ATP10A: variants seen among roughly 807,000 people sequenced by gnomAD.
The protein encoded by ATP10A is ATPase phospholipid transporting 10A (putative).
Under a neutral mutation model 147.8 loss-of-function variants are expected in ATP10A, and 111 were observed. The ratio of observed to expected loss-of-function variants is 0.75; its 90% CI spans 0.64 to 0.88. The LOEUF (loss-of-function observed/expected upper bound fraction) is 0.88, where lower values mean the gene tolerates loss of function less well. Among genes scored for constraint, ATP10A ranks in the 40% least tolerant of loss-of-function variants. The pLI is 0.00. For synonymous variants in ATP10A, 875 were observed against 841.6 expected (o/e 1.04, Z -0.69); for missense variants, 1,927 against 1,959.0 (o/e 0.98, Z 0.31).
chr15:25,776,060 C>T (rs1447880365), intron 2 of ATP10A, among the ~76,000 whole-genome samples: 3 of 152,178 alleles, frequency 2.0e-5, no homozygotes, highest in Non-Finnish European at 4.4e-5. Context: ...GCGTTAGAAA[C>T]ATAATAAATG....
intron 13 of ATP10A, among the ~76,000 whole-genome samples, 189 bp from the exon 14 acceptor site, chr15:25,695,335 G>C (rs899636862): frequency 3.3e-5 from 5 of 152,162 alleles, no homozygotes; most frequent in African/African-American, 1.2e-4. Flanking sequence ...AGAAGAGACT[G>C]AATTGGTGGC....
Position 25,713,712 on chromosome 15 carries a change from T to C in ATP10A, c.2306A>G (p.Asp769Gly). 6.2e-7 allele frequency: 1 copy of C among 1,614,026 alleles called. No individual in the cohort carries two copies. The highest frequency in any genetic ancestry group is 8.5e-7 in the Non-Finnish European group (1 of 1,180,010). The change falls in exon 10 of 21, where the codon GAC (aspartate) becomes GGC (glycine). Residue 769 changes from aspartate to glycine, a missense_variant. Asp to Gly is a moderately conservative substitution (Grantham distance 94, BLOSUM62 -1). Coordinates refer to ENST00000555815, the MANE Select transcript of ATP10A (RefSeq NM_024490.4). ...CTGCAGGAGATCCATGACCACTGAG[T>C]CGGCCCCCTTGGTGTAGACGTTGAT... ...DEINVYTKGA[D>G]SVVMDLLQPC...
intron 8 of ATP10A, 26 bp from the exon 9 acceptor site, chr15:25,716,950 A>T: frequency 6.6e-7 from 1 of 1,519,240 alleles, no homozygotes; most frequent in East Asian, 2.4e-5. Context: ...GCTGGCAGTG[A>T]GTCCCACCCA....
At chr15:25,718,440 G>T (rs1901979098) in intron 7 of ATP10A, 41 bp from the exon 8 acceptor site, 3 of 1,537,946 alleles carry the variant, frequency 2.0e-6, no homozygotes, top group Non-Finnish European at 2.6e-6. Flanking sequence ...ATGGGGGAAG[G>T]CTGGGCGGAG....
At chr15:25,838,414 T>C (rs1389696685) in intron 1 of ATP10A, among the ~76,000 whole-genome samples, 1 of 152,096 alleles carries the variant, frequency 6.6e-6, no homozygotes. Context: ...GCCTTGTCTA[T>C]GCCCAGCAAG....
intron 12 of ATP10A, among the ~76,000 whole-genome samples, chr15:25,703,109 G>A (rs529680323): frequency 1.0e-3 from 159 of 152,348 alleles, no homozygotes; most frequent in Non-Finnish European, 1.7e-3. Flanking sequence ...TGTAATCCCA[G>A]CACTTCGGGA....
chr15:25,699,100 A>C (rs1441719991), intron 13 of ATP10A, among the ~76,000 whole-genome samples: 1 of 152,196 alleles, frequency 6.6e-6, no homozygotes, highest in Non-Finnish European at 1.5e-5. Context: ...TTTAAAATTC[A>C]TATACGAAGG....
chr15:25,696,978 G>A (rs1173092727), intron 13 of ATP10A, among the ~76,000 whole-genome samples: 4 of 152,142 alleles, frequency 2.6e-5, no homozygotes, highest in Non-Finnish European at 5.9e-5. Context: ...ACTTGGCGCT[G>A]GATGCAGGAG....
chr15:25,716,605 A>G, intron 9 of ATP10A, 125 bp downstream of exon 9: 7 of 922,638 alleles, frequency 7.6e-6, no homozygotes, highest in African/African-American at 1.7e-5. Flanking sequence ...CATCCCCCTT[A>G]GGTCACGATG....
chr15:25,681,458 A>G (rs1478827145), intron 17 of ATP10A, among the ~76,000 whole-genome samples: 1 of 152,190 alleles, frequency 6.6e-6, no homozygotes, highest in Non-Finnish European at 1.5e-5. Flanking sequence ...TTACTACAGC[A>G]CACACATTCC....
chr15:25,855,472 A>G (rs1281504224), intron 1 of ATP10A, among the ~76,000 whole-genome samples: 2 of 152,092 alleles, frequency 1.3e-5, no homozygotes, highest in African/African-American at 4.8e-5. Context: ...TAGGAACAAA[A>G]GGGAAATTCC....
intron 2 of ATP10A, among the ~76,000 whole-genome samples, chr15:25,765,500 C>T (rs1888971663): frequency 6.6e-6 from 1 of 152,154 alleles, no homozygotes; most frequent in South Asian, 2.1e-4. Context: ...CCGTGTAGAG[C>T]CTCTAATGAT....
At chr15:25,702,819 G>T (rs1351791301) in intron 12 of ATP10A, among the ~76,000 whole-genome samples, 4 of 151,290 alleles carry the variant, frequency 2.6e-5, no homozygotes, top group African/African-American at 9.7e-5. Context: ...CCCCACTCTG[G>T]AAGTGAGCTG....
chr15:25,844,286 G>A lies in ATP10A; in HGVS notation c.449+18362C>T, dbSNP rs373301514. ...GAACAGGTGGTGCGTTTCTCTCCACGGCACGTCTTTGCCAGCTGGAGCCTC... is the reference window on the plus strand; with the variant it reads ...GAACAGGTGGTGCGTTTCTCTCCACAGCACGTCTTTGCCAGCTGGAGCCTC... On this transcript the variant is annotated intron_variant, in intron 1 of 20. Transcript: ENST00000555815. Among the ~76,000 whole-genome samples, 23 of 152,242 alleles carry A rather than the reference G, an allele frequency of 1.5e-4. No individual in the cohort carries two copies. In the South Asian group the frequency reaches 3.9e-3, roughly 26 times the overall value.
chr15:25,727,125 T>C (rs1902626090), intron 4 of ATP10A, 35 bp downstream of exon 4: 1 of 1,479,706 alleles, frequency 6.8e-7, no homozygotes, highest in African/African-American at 1.4e-5. Flanking sequence ...CACAGCGCTG[T>C]CTGGCGGCAG....
chr15:25,792,416 G>A (rs1387844666), intron 1 of ATP10A, among the ~76,000 whole-genome samples: 3 of 152,234 alleles, frequency 2.0e-5, no homozygotes, highest in Non-Finnish European at 2.9e-5. Context: ...GCCAGTCTGA[G>A]GTCCCATAGC....
intron 1 of ATP10A, among the ~76,000 whole-genome samples, chr15:25,837,925 C>T (rs1892661442): frequency 6.6e-6 from 1 of 152,216 alleles, no homozygotes; most frequent in South Asian, 2.1e-4. Context: ...TATGCTGGAG[C>T]CTCTCACTGC....
chr15:25,858,628 A>G (rs1161180706), intron 1 of ATP10A, among the ~76,000 whole-genome samples: 1 of 152,168 alleles, frequency 6.6e-6, no homozygotes, highest in Non-Finnish European at 1.5e-5. Context: ...AGCGAAAATC[A>G]AAGTGAGGGG....
At chr15:25,730,490 G>C (rs1001132356) in intron 3 of ATP10A, among the ~76,000 whole-genome samples, 2 of 152,136 alleles carry the variant, frequency 1.3e-5, no homozygotes, top group Non-Finnish European at 2.9e-5. Flanking sequence ...TTCCCCATGG[G>C]GCCTCATGGC....
Sources: gnomAD v4.1 joint callset for allele counts (sites outside exome capture counted in the v4.1 genomes callset) on GRCh38, gnomAD v4.1.1 for gene constraint, MANE v1.5 for transcripts, NCBI Gene and HGNC (gene_info 2026-07-23, HGNC 2026-07-21) for gene names.